Variants in SAXO1 observed in about 807,000 individuals in gnomAD.
SAXO1 encodes the protein 4930500O09Rik.
Under a neutral mutation model 17.5 loss-of-function variants are expected in SAXO1, and 21 were observed. The observed-to-expected ratio is 1.20, with a 90% CI of 0.85 to 1.72. SAXO1 has a LOEUF of 1.72. SAXO1 is among the 40% of genes most tolerant of loss of function. The probability of loss-of-function intolerance (pLI) is 0.00; values close to 1 mark genes in which losing one functional copy is unlikely to be tolerated. For synonymous variants in SAXO1, 274 were observed against 216.5 expected (o/e 1.27, Z -2.33); for missense variants, 843 against 596.0 (o/e 1.41, Z -4.32).
chr9:18,955,389 G>A (rs1832216091), intron 1 of SAXO1, among the ~76,000 whole-genome samples: 1 of 152,058 alleles, frequency 6.6e-6, no homozygotes, highest in Non-Finnish European at 1.5e-5. Flanking sequence ...ATTTCCTTCA[G>A]TTCAGACCAG....
At chr9:18,955,436 G>A (rs1282176347) in intron 1 of SAXO1, among the ~76,000 whole-genome samples, 1 of 152,158 alleles carries the variant, frequency 6.6e-6, no homozygotes, top group African/African-American at 2.4e-5. Context: ...ATATGGTAGT[G>A]GCTTCCCTAT....
intron 1 of SAXO1, among the ~76,000 whole-genome samples, chr9:19,028,628 G>T (rs1182751732): frequency 6.6e-6 from 1 of 152,206 alleles, no homozygotes; most frequent in African/African-American, 2.4e-5. Context: ...TGCTGATTAT[G>T]TTGAAAAGAG....
chr9:18,964,304 G>A (rs1027099163), intron 1 of SAXO1, among the ~76,000 whole-genome samples: 9 of 152,158 alleles, frequency 5.9e-5, no homozygotes, highest in African/African-American at 2.2e-4. Flanking sequence ...TTAGGGAGGA[G>A]TCCCTCTTTT....
At chr9:19,027,833 C>T (rs1232329250) in intron 1 of SAXO1, 3 of 1,449,344 alleles carry the variant, frequency 2.1e-6, no homozygotes, top group East Asian at 4.6e-5. Flanking sequence ...AGTCACAAAC[C>T]GGGTGGACAT....
chr9:19,032,234 T>G (rs537328157), intron 1 of SAXO1, among the ~76,000 whole-genome samples: 4 of 152,122 alleles, frequency 2.6e-5, no homozygotes, highest in Admixed American at 1.3e-4. Flanking sequence ...CTCTAAGAGA[T>G]CATGTGAGTG....
At position 19,022,531 on chromosome 9, in the gene SAXO1, C is replaced by T. The variant is rs551829835; in HGVS notation, c.38+10340G>A. Among the ~76,000 whole-genome samples the T allele has an allele frequency of 4.3e-4, 66 of 152,258 alleles. 1 individual carries two copies. The highest frequency in any genetic ancestry group is 8.1e-4 in the Non-Finnish European group (55 of 68,006). On this transcript the variant is annotated intron_variant, in intron 1 of 3. Transcript: ENST00000380534. ...CACAGATTGTATGTAGAGTTTTTTT[C>T]ATTTGCAGAAGACTTGAAATGCATC...
Position 18,949,404 on chromosome 9 carries a change from C to T in SAXO1, c.218+1354G>A, listed in dbSNP as rs138026965. Among the ~76,000 whole-genome samples the T allele has an allele frequency of 4.5e-4, 68 of 152,174 alleles. No individual in the cohort carries two copies. The East Asian group carries it at 9.9e-3, about 22-fold the overall frequency. ...CCCAGAAATTCGAGGCTGCACTGAG[C>T]GATGATCACACCATTGCACTCCAGC... On this transcript the variant is annotated intron_variant, in intron 2 of 3. Transcript: ENST00000380534.
intron 1 of SAXO1, among the ~76,000 whole-genome samples, chr9:18,954,123 AG>A (rs1832147626): frequency 6.6e-6 from 1 of 152,156 alleles, no homozygotes; most frequent in Non-Finnish European, 1.5e-5. Flanking sequence ...GGGAGAGAGG[AG>A]GTTTCTTTAG....
At chr9:19,046,131 A>T (rs1836210343) in intron 1 of SAXO1, among the ~76,000 whole-genome samples, 1 of 151,776 alleles carries the variant, frequency 6.6e-6, no homozygotes. Context: ...CATACAAACA[A>T]AAGAAACTTG....
chr9:19,024,476 G>A (rs910289498), intron 1 of SAXO1, among the ~76,000 whole-genome samples: 37 of 152,172 alleles, frequency 2.4e-4, no homozygotes, highest in African/African-American at 8.9e-4. Context: ...ATAGCATTAG[G>A]AGATATACCT....
At chr9:18,981,882 C>T (rs7867428) in intron 1 of SAXO1, among the ~76,000 whole-genome samples, 79,031 of 152,090 alleles carry the variant, frequency 0.52, 22,035 homozygotes, top group Non-Finnish European at 0.63. Flanking sequence ...ACTCCAAAAC[C>T]CTTTTCCTCT....
rs374124797 is a variant in SAXO1, at chr9:18,928,047, C to G, written c.*5G>C. On this transcript the variant is annotated 3_prime_UTR_variant, in exon 4 of 4. Transcript: ENST00000380534. ...GTGTAATTTCTAAATTACTATTTTT[C>G]AAAATCAGGCTAACACTTCCAACTC... is the stretch of plus-strand genomic sequence containing the variant. The G allele has an allele frequency of 6.4e-7, 1 of 1,552,182 alleles. No individual in the cohort carries two copies. Among genetic ancestry groups the G allele is most frequent in the East Asian group, 2.3e-5 (1 of 43,948 alleles).
chr9:18,958,001 C>T (rs972609464), intron 1 of SAXO1, among the ~76,000 whole-genome samples: 1 of 152,172 alleles, frequency 6.6e-6, no homozygotes, highest in Non-Finnish European at 1.5e-5. Flanking sequence ...AATCTTGAGG[C>T]AAGATATCTC....
At chr9:19,009,641 G>C (rs945624820) in intron 1 of SAXO1, among the ~76,000 whole-genome samples, 2 of 152,112 alleles carry the variant, frequency 1.3e-5, no homozygotes, top group African/African-American at 4.8e-5. Flanking sequence ...GGAAAATTGA[G>C]ATTTCTTGTG....
intron 1 of SAXO1, among the ~76,000 whole-genome samples, chr9:18,987,587 G>T (rs953818127): frequency 2.6e-5 from 4 of 152,154 alleles, no homozygotes; most frequent in African/African-American, 9.7e-5. Flanking sequence ...GTGTGGGTAA[G>T]CAAGAGCAAA....
At chr9:19,032,746 A>G (rs1835820288) in intron 1 of SAXO1, 125 bp downstream of exon 1, 1 of 1,040,446 alleles carries the variant, frequency 9.6e-7, no homozygotes, top group South Asian at 1.6e-5. Context: ...TGTGGCTTAA[A>G]AAACGTAGCA....
In SAXO1 at chr9:18,988,092, G is replaced by A. The variant is rs369000142; in HGVS notation, c.39-37155C>T. ...TTTTACTAGCATCTGCTTAACTACA[G>A]AGAAAACAGCAGGCCCTTACAGCTT... On this transcript the variant is annotated intron_variant, in intron 1 of 3. Coordinates refer to ENST00000380534, the MANE Select transcript of SAXO1 (RefSeq NM_153707.4). Among the ~76,000 whole-genome samples, 7 of 152,268 alleles carry A rather than the reference G, an allele frequency of 4.6e-5. 1 individual carries two copies. The highest frequency in any genetic ancestry group is 1.7e-4 in the African/African-American group (7 of 41,566).
At chr9:18,997,374 TG>T (rs1221597383) in intron 1 of SAXO1, among the ~76,000 whole-genome samples, 1 of 152,252 alleles carries the variant, frequency 6.6e-6, no homozygotes, top group Non-Finnish European at 1.5e-5. Context: ...CCTGGGATGC[TG>T]GAGTGTGGTA....
intron 1 of SAXO1, among the ~76,000 whole-genome samples, chr9:19,004,801 G>A (rs971134866): frequency 4.6e-5 from 7 of 152,124 alleles, no homozygotes; most frequent in Admixed American, 2.0e-4. Context: ...GACCAACATG[G>A]CACATGTGTA....
Sources: gnomAD v4.1 joint callset for allele counts (sites outside exome capture counted in the v4.1 genomes callset) on GRCh38, gnomAD v4.1.1 for gene constraint, MANE v1.5 for transcripts, NCBI Gene and HGNC (gene_info 2026-07-23, HGNC 2026-07-21) for gene names.